The following UBQLN4 variants were observed in gnomAD, a reference collection of about 807,000 sequenced individuals.
UBQLN4 encodes ubiquilin-4.
Under a neutral mutation model 60.4 loss-of-function variants are expected in UBQLN4, and 11 were observed. That is an observed-to-expected ratio of 0.18 (90% CI 0.11 to 0.30). The LOEUF (loss-of-function observed/expected upper bound fraction) is 0.30, where lower values mean the gene tolerates loss of function less well. UBQLN4 is among the 10% of genes least tolerant of loss of function. The probability of loss-of-function intolerance (pLI) is 1.00; values close to 1 mark genes in which losing one functional copy is unlikely to be tolerated. For missense variants in UBQLN4, 417 were observed against 795.5 expected (o/e 0.52, Z 5.72); for synonymous variants, 258 against 313.1 (o/e 0.82, Z 1.86).
At chr1:156,053,573 G>T in intron 1 of UBQLN4, 21 bp downstream of exon 1, 4 of 644,124 alleles carry the variant, frequency 6.2e-6, no homozygotes, top group Non-Finnish European at 6.2e-6. Flanking sequence ...CGCTCCCCCC[G>T]CCCCCCGCCT....
chr1:156,036,981 G>A lies in UBQLN4; in HGVS notation c.1803C>T (p.Ser601=). The A allele has an allele frequency of 6.2e-7, 1 of 1,613,894 alleles. No homozygotes were observed. The highest frequency in any genetic ancestry group is 1.7e-4 in the Middle Eastern group (1 of 6,024). Residue 601 remains serine, a synonymous_variant, in exon 11 of 11, where the codon TCC becomes TCT. Transcript: ENST00000368309. ...AIERLLGSQL[S] is the part of the protein sequence containing the mutation. ...GCAGGAGGCATGGGCCGAGGGATTA[G>A]GAGAGCTGGGAGCCCAGCAGTCTCT...
At chr1:156,033,178 C>A (rs1397609230), downstream of UBQLN4, 55 of 983,390 alleles carry the variant, frequency 5.6e-5, no homozygotes, top group Non-Finnish European at 6.6e-5. Context: ...AACAAGGCAT[C>A]CGACTCTGGA....
In UBQLN4 at chr1:156,051,839, G is replaced by A. The variant is rs769053520; in HGVS notation, c.127C>T (p.Arg43Trp). ...SVKEFKEEIS[R>W]RFKAQQDQLV... ...TGATCCTGCTGAGCCTTAAACCTCC[G>A]GGAGATTTCCTCTTTGAACTGTGAT... Residue 43 changes from arginine (R) to tryptophan (W), a missense_variant, in exon 2 of 11, where the codon CGG (arginine) becomes TGG (tryptophan). By Grantham distance (101) the Arg-to-Trp change is moderately radical. Coordinates refer to ENST00000368309, the MANE Select transcript of UBQLN4 (RefSeq NM_020131.5). 6 of 1,613,976 alleles carry A rather than the reference G, an allele frequency of 3.7e-6. No individual in the cohort carries two copies. The highest frequency in any genetic ancestry group is 3.3e-5 in the Admixed American group (2 of 59,982).
In UBQLN4 at chr1:156,036,027, A is replaced by G; in HGVS notation, c.*951T>C. 1 of 985,330 alleles carries G rather than the reference A, an allele frequency of 1.0e-6. No individual in the cohort carries two copies. Among genetic ancestry groups the G allele is most frequent in the Non-Finnish European group, 1.2e-6 (1 of 829,786 alleles). 61.0% of individuals were successfully genotyped at this position (985,330 alleles called of 1,614,324 possible). ...ACAAGCAAGACCTGGGTCCATGGAA[A>G]TGTGTGTGTGTGTGCATATAAGCAC... On this transcript the variant is annotated 3_prime_UTR_variant, in exon 11 of 11. Coordinates refer to ENST00000368309, the MANE Select transcript of UBQLN4 (RefSeq NM_020131.5).
Position 156,051,275 on chromosome 1 carries a change from C to A in UBQLN4, c.313G>T (p.Ala105Ser). 2 of 1,570,982 alleles carry A rather than the reference C, an allele frequency of 1.3e-6. No individual in the cohort carries two copies. Among genetic ancestry groups the A allele is most frequent in the Non-Finnish European group, 1.7e-6 (2 of 1,157,052 alleles). ...TASSPSTPDP[A>S]SAPSTTPASP... is the part of the protein sequence containing the mutation. Reference sequence around the variant, plus strand: ...GCAGGCGTGGTGGAGGGTGCTGAGGCAGGGTCAGGTGTGGAGGGGGAAGAA... The same window carrying A: ...GCAGGCGTGGTGGAGGGTGCTGAGGAAGGGTCAGGTGTGGAGGGGGAAGAA... Residue 105 changes from alanine to serine, a missense_variant, in exon 3 of 11, where the codon GCC becomes TCC. Ala to Ser is a moderately conservative substitution (Grantham distance 99, BLOSUM62 1). Transcript: ENST00000368309.
chr1:156,041,053 A>G (rs1683548750), intron 10 of UBQLN4, among the ~76,000 whole-genome samples: 1 of 152,184 alleles, frequency 6.6e-6, no homozygotes, highest in Admixed American at 6.5e-5. Flanking sequence ...CAGAAATGGT[A>G]TAGTGTAAAT....
At chr1:156,042,744 A>G (rs961484655) in intron 7 of UBQLN4, 30 bp downstream of exon 7, 2 of 1,609,432 alleles carry the variant, frequency 1.2e-6, no homozygotes, top group African/African-American at 1.3e-5. Flanking sequence ...CTCTCTCCCC[A>G]ACAATACTCT....
At chr1:156,043,378 T>G (rs1211037259) in intron 6 of UBQLN4, among the ~76,000 whole-genome samples, 1 of 152,136 alleles carries the variant, frequency 6.6e-6, no homozygotes, top group African/African-American at 2.4e-5. Flanking sequence ...ATCCTGGAGA[T>G]GAAGACCTTT....
At position 156,041,563 on chromosome 1, in the gene UBQLN4, A is replaced by G. The variant is rs779899722; in HGVS notation, c.1575T>C (p.Ser525=). Residue 525 remains serine (S), a synonymous_variant, in exon 10 of 11, where the codon TCT becomes TCC. Transcript: ENST00000368309. ...TSSPATPATS[S]PTGASSAQQQ... ...GCTGGGCGCTGGAAGCCCCTGTTGGAGAAGATGTGGCTGGCGTGGCTGGTG... is the reference window on the plus strand; with the variant it reads ...GCTGGGCGCTGGAAGCCCCTGTTGGGGAAGATGTGGCTGGCGTGGCTGGTG... 9 of 1,613,000 alleles carry G rather than the reference A, an allele frequency of 5.6e-6. No individual in the cohort carries two copies. The East Asian group carries it at 1.6e-4, about 28-fold the overall frequency.
At chr1:156,045,698 T>G (rs1683679929) in intron 5 of UBQLN4, among the ~76,000 whole-genome samples, 1 of 152,234 alleles carries the variant, frequency 6.6e-6, no homozygotes, top group Admixed American at 6.5e-5. Flanking sequence ...GCAAACTGAA[T>G]GCAGATCTGA....
At position 156,044,142 on chromosome 1, in the gene UBQLN4, G is replaced by A; in HGVS notation, c.982C>T (p.Pro328Ser). The A allele has an allele frequency of 6.3e-7, 1 of 1,581,556 alleles. No homozygotes were observed. The highest frequency in any genetic ancestry group is 8.6e-7 in the Non-Finnish European group (1 of 1,163,970). The change falls in exon 6 of 11, where the codon CCC becomes TCC. Residue 328 changes from proline to serine, a missense_variant. Transcript: ENST00000368309. ...SQPLRTENREPLPNPWSPSPP... is the reference protein window; with the variant it reads ...SQPLRTENRESLPNPWSPSPP... ...GAGGGGCTCCAGGGGTTAGGGAGGG[G>A]CTCTCGATTCTCAGTCCGCAGAGGC...
At chr1:156,051,384 C>G in intron 2 of UBQLN4, 57 bp from the exon 3 acceptor site, 1 of 1,531,150 alleles carries the variant, frequency 6.5e-7, no homozygotes, top group South Asian at 1.2e-5. Context: ...GGGAAGGTAC[C>G]GTGACAATCT....
chr1:156,048,702 A>C lies in UBQLN4; in HGVS notation c.742-43T>G. On this transcript the variant is annotated intron_variant, in intron 4 of 10. Coordinates refer to ENST00000368309, the MANE Select transcript of UBQLN4 (RefSeq NM_020131.5). This position sits in a 1 kb window ranked among gnomAD's most constrained non-coding sequence, Gnocchi z 4.9. ...ACAAAATGGGCCCCGGAACCAGGGG[A>C]GCACCAACCTAGGAAAAGGGTGGGC... The C allele has an allele frequency of 6.3e-7, 1 of 1,595,418 alleles. No individual in the cohort carries two copies. The highest frequency in any genetic ancestry group is 8.6e-7 in the Non-Finnish European group (1 of 1,165,570).
intron 1 of UBQLN4, 136 bp downstream of exon 1, chr1:156,053,457 CT>C: frequency 1.7e-6 from 1 of 597,282 alleles, no homozygotes; most frequent in Non-Finnish European, 2.5e-6. Context: ...CTCTCCTTGC[CT>C]TCAGCTCCTC....
downstream of UBQLN4, among the ~76,000 whole-genome samples, chr1:156,034,870 T>TAA (rs1683363731): frequency 1.7e-5 from 2 of 115,216 alleles, no homozygotes; most frequent in African/African-American, 3.3e-5. Flanking sequence ...TATATATATA[T>TAA]AATTTTTTTT....
In UBQLN4 at chr1:156,042,804, C is replaced by T. The variant is rs1450278469; in HGVS notation, c.1236G>A (p.Thr412=). The T allele has an allele frequency of 9.9e-6, 16 of 1,614,174 alleles. No homozygotes were observed. The highest frequency in any genetic ancestry group is 5.5e-5 in the South Asian group (5 of 91,084). The change falls in exon 7 of 11, where the codon ACG becomes ACA. Residue 412 remains threonine (T), a synonymous_variant. Transcript: ENST00000368309. The part of the protein sequence containing the change: ...SAPYMRSMMQ[T]LAQNPDFAAQ... ...CAGCAAAGTCGGGGTTCTGGGCAAG[C>T]GTCTGCATCATGCTGCGCATGTAGG...
rs768914927 is a variant in UBQLN4 at position 156,053,602 on chromosome 1, C to G, written c.100G>C (p.Val34Leu). 3 of 1,330,928 alleles carry G rather than the reference C, an allele frequency of 2.3e-6. No individual in the cohort carries two copies. Among genetic ancestry groups the G allele is most frequent in the Non-Finnish European group, 2.9e-6 (3 of 1,028,762 alleles). 82.4% of individuals were successfully genotyped at this position (1,330,928 alleles called of 1,614,324 possible). A position where few individuals can be genotyped will look rare whatever the true frequency, so the allele number is the denominator to read the frequency against. ...EEIVICDRASVKEFKEEISRR... is the reference protein window; with the variant it reads ...EEIVICDRASLKEFKEEISRR... ...CCCGCCTGCTGTACTACCTCCTTGA[C>G]CGAGGCTCGATCGCAGATCACAATT... Residue 34 changes from valine (V) to leucine (L), a missense_variant, in exon 1 of 11, where the codon GTC becomes CTC. By Grantham distance (32) the Val-to-Leu change is conservative. Transcript: ENST00000368309.
At chr1:156,033,500 A>G (rs1447988425), downstream of UBQLN4, among the ~76,000 whole-genome samples, 2 of 152,094 alleles carry the variant, frequency 1.3e-5, no homozygotes, top group African/African-American at 4.8e-5. Flanking sequence ...GTTTGAGACC[A>G]GTCTGGGCAA....
At chr1:156,033,421 T>C (rs1683328209), downstream of UBQLN4, 1 of 414,898 alleles carries the variant, frequency 2.4e-6, no homozygotes, top group Non-Finnish European at 3.2e-6. Flanking sequence ...ATGTATTCAA[T>C]CCCTGCCCCA....
Sources: allele counts gnomAD v4.1 joint callset (sites outside exome capture counted in the v4.1 genomes callset), GRCh38; gene constraint gnomAD v4.1.1; non-coding constraint Gnocchi (gnomAD v3.1); transcripts MANE v1.5; gene names NCBI Gene and HGNC (gene_info 2026-07-23, HGNC 2026-07-21).